Variants in ZNF385D observed in about 807,000 individuals in gnomAD.
The protein encoded by ZNF385D is zinc finger protein 659.
In ZNF385D, 15 loss-of-function variants were observed where a neutral mutation model predicts 35.8. The ratio of observed to expected loss-of-function variants is 0.42; its 90% CI spans 0.28 to 0.64. ZNF385D has a LOEUF of 0.64. ZNF385D is among the 30% of genes least tolerant of loss of function. ZNF385D has a pLI of 0.23. For synonymous variants in ZNF385D, 212 were observed against 186.8 expected (o/e 1.13, Z -1.10); for missense variants, 474 against 494.6 (o/e 0.96, Z 0.39).
chr3:21,488,443 G>T (rs1705184415), intron 4 of ZNF385D, among the ~76,000 whole-genome samples: 1 of 151,816 alleles, frequency 6.6e-6, no homozygotes, highest in African/African-American at 2.4e-5. Flanking sequence ...CTTTCATAAT[G>T]CTAATGTTGA....
chr3:22,224,826 C>T (rs1016567447), intron 2 of ZNF385D, among the ~76,000 whole-genome samples: 1 of 152,182 alleles, frequency 6.6e-6, no homozygotes, highest in Non-Finnish European at 1.5e-5. Flanking sequence ...CTGCGTGGGG[C>T]ACCATGGACC....
chr3:22,318,051 C>A (rs1285453545), intron 2 of ZNF385D, among the ~76,000 whole-genome samples: 4 of 148,888 alleles, frequency 2.7e-5, no homozygotes, highest in Non-Finnish European at 5.9e-5. Flanking sequence ...GAGTGAGACT[C>A]GGTTTCAAAA....
intron 3 of ZNF385D, among the ~76,000 whole-genome samples, chr3:22,111,301 C>T (rs1416631938): frequency 6.6e-6 from 1 of 151,010 alleles, no homozygotes; most frequent in African/African-American, 2.4e-5. Flanking sequence ...AGAAATCTGC[C>T]CTGTGAACTT....
intron 2 of ZNF385D, among the ~76,000 whole-genome samples, chr3:21,581,924 T>C (rs1164895996): frequency 6.6e-6 from 1 of 152,158 alleles, no homozygotes; most frequent in African/African-American, 2.4e-5. Flanking sequence ...GATGCATTGC[T>C]CAAAACATTA....
At chr3:21,778,575 T>C (rs2071379939) in intron 3 of ZNF385D, among the ~76,000 whole-genome samples, 1 of 151,858 alleles carries the variant, frequency 6.6e-6, no homozygotes, top group African/African-American at 2.4e-5. Flanking sequence ...AAACAAAATC[T>C]ACAATCAGAA....
intron 4 of ZNF385D, among the ~76,000 whole-genome samples, chr3:21,462,782 G>C (rs1703256539): frequency 6.6e-6 from 1 of 152,150 alleles, no homozygotes; most frequent in Non-Finnish European, 1.5e-5. Flanking sequence ...AGGAGTTCGA[G>C]ACCAGCCTGG....
At chr3:22,133,246 T>G (rs1436860156) in intron 3 of ZNF385D, among the ~76,000 whole-genome samples, 1 of 152,162 alleles carries the variant, frequency 6.6e-6, no homozygotes, top group Non-Finnish European at 1.5e-5. Flanking sequence ...TCCTTCTTTT[T>G]TAATTTCACA....
intron 3 of ZNF385D, among the ~76,000 whole-genome samples, chr3:21,519,419 A>T (rs1338561853): frequency 6.6e-6 from 1 of 152,222 alleles, no homozygotes; most frequent in Non-Finnish European, 1.5e-5. Context: ...AAGTATCTAA[A>T]GTGAATGATA....
chr3:22,113,916 TA>T (rs1702672353), intron 3 of ZNF385D, among the ~76,000 whole-genome samples: 1 of 152,038 alleles, frequency 6.6e-6, no homozygotes, highest in African/African-American at 2.4e-5. Flanking sequence ...AAGGTCTAAA[TA>T]AAAATAATAG....
intron 3 of ZNF385D, among the ~76,000 whole-genome samples, chr3:21,537,433 C>T (rs542285129): frequency 3.3e-5 from 5 of 152,076 alleles, no homozygotes; most frequent in East Asian, 1.9e-4. Context: ...GTGTGAGCCA[C>T]CACGCCCGGC....
chr3:21,718,428 C>T (rs1353992021), intron 1 of ZNF385D, among the ~76,000 whole-genome samples: 2 of 152,238 alleles, frequency 1.3e-5, no homozygotes, highest in African/African-American at 4.8e-5. Flanking sequence ...CCATCTGTAG[C>T]CACCAGCCAA....
chr3:22,110,316 C>G (rs953438663), intron 3 of ZNF385D, among the ~76,000 whole-genome samples: 15 of 151,894 alleles, frequency 9.9e-5, no homozygotes, highest in Non-Finnish European at 1.8e-4. Flanking sequence ...ATAAATCATG[C>G]TGCTGTAAAG....
intron 3 of ZNF385D, among the ~76,000 whole-genome samples, chr3:22,123,962 C>CTCTCTCTATA (rs1491571691): frequency 6.5e-5 from 4 of 61,848 alleles, no homozygotes; most frequent in Non-Finnish European, 9.4e-5. Flanking sequence ...CTCTCTCTCT[C>CTCTCTCTATA]TATATATATA....
upstream of ZNF385D, among the ~76,000 whole-genome samples, chr3:21,754,687 T>A (rs2070260158): frequency 6.6e-6 from 1 of 152,068 alleles, no homozygotes; most frequent in South Asian, 2.1e-4. Context: ...CCCTTATTTT[T>A]CTCCATGGCA....
chr3:21,711,485 T>C (rs1309664601), intron 1 of ZNF385D, among the ~76,000 whole-genome samples: 1 of 152,200 alleles, frequency 6.6e-6, no homozygotes, highest in African/African-American at 2.4e-5. Flanking sequence ...CTTCAACACA[T>C]TTTTTAAAAA....
chr3:21,502,151 G>A (rs1315466355), intron 4 of ZNF385D, among the ~76,000 whole-genome samples: 2 of 152,162 alleles, frequency 1.3e-5, no homozygotes, highest in Non-Finnish European at 2.9e-5. Context: ...TCTAGGGATA[G>A]ATCTTCCAAA....
chr3:21,643,740 T>C (rs1199091684), intron 2 of ZNF385D, among the ~76,000 whole-genome samples: 2 of 152,112 alleles, frequency 1.3e-5, no homozygotes, highest in Non-Finnish European at 2.9e-5. Flanking sequence ...TAGAAATGGC[T>C]GAAAGTGAGG....
At chr3:22,337,444 G>C (rs976740582) in intron 2 of ZNF385D, among the ~76,000 whole-genome samples, 2 of 152,184 alleles carry the variant, frequency 1.3e-5, no homozygotes, top group Non-Finnish European at 2.9e-5. Context: ...AGAGGAGGGA[G>C]AATCACCTGA....
chr3:22,331,267 A>C (rs1694922830), intron 2 of ZNF385D, among the ~76,000 whole-genome samples: 1 of 152,186 alleles, frequency 6.6e-6, no homozygotes, highest in Non-Finnish European at 1.5e-5. Flanking sequence ...ATTACACAGC[A>C]CAAGTGTCAG....
Sources: allele counts gnomAD v4.1 joint callset (sites outside exome capture counted in the v4.1 genomes callset), GRCh38; gene constraint gnomAD v4.1.1; transcripts MANE v1.5; gene names NCBI Gene and HGNC (gene_info 2026-07-23, HGNC 2026-07-21).